Variants in LRRC8D observed in about 807,000 individuals in gnomAD.
LRRC8D encodes the protein volume-regulated anion channel subunit LRRC8D.
Under a neutral mutation model 55.8 loss-of-function variants are expected in LRRC8D, and 20 were observed. The observed-to-expected ratio is 0.36, with a 90% CI of 0.25 to 0.52. The LOEUF is 0.52. Ranked by LOEUF, LRRC8D falls within the 20% of genes least tolerant of loss-of-function variation. The probability of loss-of-function intolerance (pLI) is 0.93; values close to 1 mark genes in which losing one functional copy is unlikely to be tolerated. For missense variants in LRRC8D, 651 were observed against 1,030.8 expected, an observed-to-expected ratio of 0.63 and a Z score of 5.05; for synonymous variants, 352 against 377.0, an observed-to-expected ratio of 0.93 and a Z score of 0.77.
intron 2 of LRRC8D, among the ~76,000 whole-genome samples, chr1:89,860,786 ATAT>A (rs1233366565): frequency 2.9e-3 from 61 of 21,122 alleles, no homozygotes; most frequent in African/African-American, 3.6e-3. Context: ...AAAAAAAAAA[ATAT>A]ATATATATAT....
At chr1:89,838,579 G>A (rs1661059240) in intron 1 of LRRC8D, among the ~76,000 whole-genome samples, 1 of 152,194 alleles carries the variant, frequency 6.6e-6, no homozygotes, top group Non-Finnish European at 1.5e-5. Flanking sequence ...CTAGCAGTCT[G>A]TGCTGGGAGC....
At chr1:89,825,064 A>G (rs1570796957) in intron 1 of LRRC8D, among the ~76,000 whole-genome samples, 1 of 152,078 alleles carries the variant, frequency 6.6e-6, no homozygotes, top group East Asian at 1.9e-4. Context: ...GTTCCTTCTC[A>G]ATGTTATCCT....
chr1:89,882,867 A>G (rs1243231657), intron 2 of LRRC8D, among the ~76,000 whole-genome samples: 5 of 152,170 alleles, frequency 3.3e-5, no homozygotes, highest in African/African-American at 7.2e-5. Context: ...AGAAATAGCC[A>G]CTTGTTAGGC....
At chr1:89,844,757 T>TC (rs1216047722) in intron 2 of LRRC8D, among the ~76,000 whole-genome samples, 2 of 152,282 alleles carry the variant, frequency 1.3e-5, no homozygotes, top group African/African-American at 4.8e-5. Context: ...GATTGACTTC[T>TC]CCCCCCAGTG....
intron 2 of LRRC8D, among the ~76,000 whole-genome samples, chr1:89,923,089 A>G (rs1163444172): frequency 6.6e-6 from 1 of 152,212 alleles, no homozygotes; most frequent in African/African-American, 2.4e-5. Context: ...GTTTTGTTCA[A>G]CCAAAGTCCA....
intron 2 of LRRC8D, among the ~76,000 whole-genome samples, chr1:89,898,409 T>A (rs561375002): frequency 2.0e-5 from 3 of 152,210 alleles, no homozygotes; most frequent in African/African-American, 7.2e-5. Flanking sequence ...TGCTTGCCAA[T>A]CCTCGCAAAT....
chr1:89,860,479 G>T (rs1419457955), intron 2 of LRRC8D, among the ~76,000 whole-genome samples: 3 of 151,912 alleles, frequency 2.0e-5, no homozygotes, highest in Non-Finnish European at 4.4e-5. Flanking sequence ...TGTACACGTG[G>T]CCGGGCACAG....
chr1:89,926,442 G>C (rs1384758447), intron 2 of LRRC8D, among the ~76,000 whole-genome samples: 1 of 152,216 alleles, frequency 6.6e-6, no homozygotes, highest in South Asian at 2.1e-4. Flanking sequence ...GGGGCTGGTA[G>C]CTTTCTTGAA....
intron 2 of LRRC8D, among the ~76,000 whole-genome samples, chr1:89,880,966 A>G (rs921488061): frequency 1.5e-4 from 23 of 152,298 alleles, no homozygotes; most frequent in African/African-American, 4.1e-4. Context: ...TCTAATGCCA[A>G]TGTATTTTGC....
intron 1 of LRRC8D, among the ~76,000 whole-genome samples, chr1:89,842,462 G>A (rs1257384984): frequency 6.6e-6 from 1 of 152,202 alleles, no homozygotes; most frequent in African/African-American, 2.4e-5. Context: ...CTAGCACTGA[G>A]TAGGAGCTTA....
At chr1:89,891,513 C>CT (rs1329117900) in intron 2 of LRRC8D, among the ~76,000 whole-genome samples, 2 of 152,190 alleles carry the variant, frequency 1.3e-5, no homozygotes, top group African/African-American at 4.8e-5. Flanking sequence ...GTTTCTCATA[C>CT]TTTTGCTCAC....
Position 89,934,911 on chromosome 1 carries a change from A to G in LRRC8D, c.1843A>G (p.Lys615Glu), listed in dbSNP as rs1478011449. The change falls in exon 3 of 3, where the codon AAG becomes GAG. Residue 615 changes from lysine to glutamate, a missense_variant. Physicochemically the swap from Lys to Glu is moderately conservative, Grantham distance 56. Transcript: ENST00000337338. This position sits in a 1 kb window ranked among gnomAD's most constrained non-coding sequence, Gnocchi z 5.9. ...NITDVAPHLT[K>E]LVIHNDGTKL... is the part of the protein sequence containing the mutation. Reference sequence around the variant, plus strand: ...TACAGATGTGGCTCCACATCTTACAAAGTTAGTCATTCATAATGACGGCAC... The same window carrying G: ...TACAGATGTGGCTCCACATCTTACAGAGTTAGTCATTCATAATGACGGCAC... The G allele has an allele frequency of 6.2e-7, 1 of 1,614,000 alleles. No individual in the cohort carries two copies. Among genetic ancestry groups the G allele is most frequent in the African/African-American group, 1.3e-5 (1 of 74,916 alleles).
At chr1:89,842,055 AC>A (rs1661146673) in intron 1 of LRRC8D, among the ~76,000 whole-genome samples, 1 of 151,994 alleles carries the variant, frequency 6.6e-6, no homozygotes, top group Non-Finnish European at 1.5e-5. Flanking sequence ...TACTAAAAAT[AC>A]AAAAAAATTA....
intron 2 of LRRC8D, among the ~76,000 whole-genome samples, chr1:89,852,985 AAAGGTAAAAT>A (rs1181133040): frequency 6.6e-6 from 1 of 152,204 alleles, no homozygotes; most frequent in African/African-American, 2.4e-5. Flanking sequence ...TGGAGTCATT[AAAGGTAAAAT>A]AAGTGTTGCA....
chr1:89,881,800 C>T (rs1464993115), intron 2 of LRRC8D, among the ~76,000 whole-genome samples: 1 of 152,130 alleles, frequency 6.6e-6, no homozygotes, highest in Admixed American at 6.5e-5. Context: ...TTTTCATTTC[C>T]AAATTCATAG....
chr1:89,921,971 G>C (rs572040901), intron 2 of LRRC8D, among the ~76,000 whole-genome samples: 1 of 152,212 alleles, frequency 6.6e-6, no homozygotes, highest in African/African-American at 2.4e-5. Flanking sequence ...ATTTACCCTG[G>C]CTAACAAATG....
rs560108677 is a variant in LRRC8D at position 89,857,358 on chromosome 1, G to C, written c.-3+13576G>C. ...GATCACACCATTGCATTCCAGCCTGGGCAACAAGAGCGAAACTCCATCTCA... is the reference window on the plus strand; with the variant it reads ...GATCACACCATTGCATTCCAGCCTGCGCAACAAGAGCGAAACTCCATCTCA... On this transcript the variant is annotated intron_variant, in intron 2 of 2. Coordinates refer to ENST00000337338, the MANE Select transcript of LRRC8D (RefSeq NM_001134479.2). 4.1e-5 allele frequency among the ~76,000 whole-genome samples: 6 copies of C among 146,268 alleles called. No individual in the cohort carries two copies. The South Asian group carries it at 1.3e-3, about 32-fold the overall frequency.
intron 2 of LRRC8D, among the ~76,000 whole-genome samples, chr1:89,881,379 G>A (rs1372303663): frequency 1.3e-5 from 2 of 152,152 alleles, no homozygotes; most frequent in Non-Finnish European, 2.9e-5. Context: ...TCTAAAAAAC[G>A]AAAGAATGAT....
intron 2 of LRRC8D, among the ~76,000 whole-genome samples, chr1:89,883,069 T>C (rs1461125897): frequency 6.6e-6 from 1 of 152,160 alleles, no homozygotes. Flanking sequence ...TGATGCCTGC[T>C]TGTAGTCCTG....
Sources: allele counts gnomAD v4.1 joint callset (sites outside exome capture counted in the v4.1 genomes callset), GRCh38; gene constraint gnomAD v4.1.1; non-coding constraint Gnocchi (gnomAD v3.1); transcripts MANE v1.5; gene names NCBI Gene and HGNC (gene_info 2026-07-23, HGNC 2026-07-21).